HERC2: variants seen among roughly 807,000 people sequenced by gnomAD.
HERC2 encodes the protein E3 ubiquitin-protein ligase HERC2.
Under a neutral mutation model 537.7 loss-of-function variants are expected in HERC2, and 102 were observed. The observed-to-expected ratio is 0.19, with a 90% confidence interval of 0.16 to 0.22. The LOEUF (loss-of-function observed/expected upper bound fraction) is 0.22, where lower values mean the gene tolerates loss of function less well. HERC2 is among the 10% of genes least tolerant of loss of function. HERC2 has a pLI of 1.00. For missense variants in HERC2, 4,236 were observed against 6,198.2 expected (o/e 0.68, Z 10.63); for synonymous variants, 2,224 against 2,466.2 (o/e 0.90, Z 2.91).
intron 48 of HERC2, among the ~76,000 whole-genome samples, chr15:28,200,436 G>A (rs1897794863): frequency 6.6e-6 from 1 of 151,950 alleles, no homozygotes; most frequent in African/African-American, 2.4e-5. Context: ...TACAAGCCAG[G>A]AAGAGGGCCA....
At position 28,270,817 on chromosome 15, in the gene HERC2, G is replaced by T; in HGVS notation, c.1135C>A (p.Leu379Ile). The change falls in exon 10 of 93, where the codon CTT (leucine) becomes ATT (isoleucine). Residue 379 changes from leucine to isoleucine, a missense_variant. Physicochemically the swap from Leu to Ile is conservative, Grantham distance 5 (BLOSUM62 2). Transcript: ENST00000261609. ...PNESFLRYLT[L>I]PQDNELAIDL... is the part of the protein sequence containing the mutation. ...ATGGCAAGCTCGTTGTCTTGTGGAA[G>T]GGTGAGGTACCTCAGGAAACTCTCA... 6.2e-7 allele frequency: 1 copy of T among 1,613,922 alleles called. No individual in the cohort carries two copies. Among genetic ancestry groups the T allele is most frequent in the Non-Finnish European group, 8.5e-7 (1 of 1,179,836 alleles).
At chr15:28,242,402 T>C (rs1413541064) in intron 23 of HERC2, among the ~76,000 whole-genome samples, 1 of 152,214 alleles carries the variant, frequency 6.6e-6, no homozygotes, top group Non-Finnish European at 1.5e-5. Context: ...ATGTCTATTA[T>C]GTTTTCCTAC....
chr15:28,317,344 C>T (rs1343740862), intron 2 of HERC2, among the ~76,000 whole-genome samples: 7 of 152,232 alleles, frequency 4.6e-5, no homozygotes, highest in South Asian at 2.1e-4. Flanking sequence ...CCTCCTCGGC[C>T]TCCCAAAGTG....
chr15:28,220,657 A>C lies in HERC2; in HGVS notation c.5653-13T>G, dbSNP rs1900427654. ...GAGGAGGCCCATCCTGAGAAAGCCAAAGTAGAGATCAGTTAGGAGGGTGCG... is the reference window on the plus strand; with the variant it reads ...GAGGAGGCCCATCCTGAGAAAGCCACAGTAGAGATCAGTTAGGAGGGTGCG... On this transcript the variant is annotated splice_polypyrimidine_tract_variant and intron_variant, in intron 36 of 92. Coordinates refer to ENST00000261609, the MANE Select transcript of HERC2 (RefSeq NM_004667.6). 6.2e-7 allele frequency: 1 copy of C among 1,602,736 alleles called. No individual in the cohort carries two copies. The highest frequency in any genetic ancestry group is 1.7e-5 in the Admixed American group (1 of 60,022).
At chr15:28,210,306 T>G (rs1371972996) in intron 44 of HERC2, among the ~76,000 whole-genome samples, 1 of 152,140 alleles carries the variant, frequency 6.6e-6, no homozygotes, top group African/African-American at 2.4e-5. Flanking sequence ...GCTAATGTTT[T>G]GTATTTTTAG....
intron 57 of HERC2, 99 bp downstream of exon 57, chr15:28,182,302 C>T: frequency 2.9e-6 from 2 of 697,422 alleles, no homozygotes; most frequent in Non-Finnish European, 4.9e-6. Context: ...TGTAAAGAAA[C>T]AATACAACAT....
At chr15:28,198,939 G>C (rs1273727958) in intron 48 of HERC2, among the ~76,000 whole-genome samples, 170 bp from the exon 49 acceptor site, 1 of 152,114 alleles carries the variant, frequency 6.6e-6, no homozygotes, top group Non-Finnish European at 1.5e-5. Context: ...CTTGAGCTCA[G>C]GTGTTTGAGA....
chr15:28,273,924 C>T (rs2075803661), intron 7 of HERC2, among the ~76,000 whole-genome samples: 1 of 152,080 alleles, frequency 6.6e-6, no homozygotes. Flanking sequence ...TTGTTTACTC[C>T]CACATTATCT....
At chr15:28,220,111 G>A (rs116330182) in intron 37 of HERC2, among the ~76,000 whole-genome samples, 3,306 of 152,264 alleles carry the variant, frequency 0.022, 125 homozygotes, top group African/African-American at 0.075. Context: ...ACCAGGCCTC[G>A]GCTCACTCGC....
chr15:28,247,480 A>G (rs1414536455), intron 21 of HERC2, among the ~76,000 whole-genome samples: 1 of 129,102 alleles, frequency 7.7e-6, no homozygotes, highest in South Asian at 2.4e-4. Context: ...CCAGGCTGGA[A>G]TGCAATGGTC....
chr15:28,284,125 T>C (rs1025669444), intron 4 of HERC2, among the ~76,000 whole-genome samples: 2 of 152,164 alleles, frequency 1.3e-5, no homozygotes, highest in African/African-American at 2.4e-5. Context: ...TTTGGGGGCA[T>C]CATGCTGGAG....
In HERC2 at chr15:28,113,555, A is replaced by T. The variant is rs776281420; in HGVS notation, c.14019+18T>A. ...CAAAAGGCAGCTGCAGGGCAGCCCC[A>T]CCTGGGGGTCGGCATACCATCGTCT... On this transcript the variant is annotated intron_variant, in intron 91 of 92. Coordinates refer to ENST00000261609, the MANE Select transcript of HERC2 (RefSeq NM_004667.6). This position sits in a 1 kb window ranked among gnomAD's most constrained non-coding sequence, Gnocchi z 7.0. 7.5e-6 allele frequency: 12 copies of T among 1,608,296 alleles called. No homozygotes were observed.
chr15:28,254,602 G>T, intron 19 of HERC2, 84 bp from the exon 20 acceptor site: 1 of 861,722 alleles, frequency 1.2e-6, no homozygotes, highest in Non-Finnish European at 1.7e-6. Flanking sequence ...CCTAACCCCA[G>T]TGCCAAGCTA....
intron 35 of HERC2, among the ~76,000 whole-genome samples, chr15:28,227,758 A>G (rs760039855): frequency 5.9e-5 from 9 of 152,246 alleles, no homozygotes; most frequent in Non-Finnish European, 1.3e-4. Context: ...ATGTCCATCA[A>G]CAGATAAATG....
intron 78 of HERC2, among the ~76,000 whole-genome samples, chr15:28,140,238 T>C (rs1320540574): frequency 6.6e-6 from 1 of 152,080 alleles, no homozygotes; most frequent in Non-Finnish European, 1.5e-5. Flanking sequence ...GAACGCTCCA[T>C]CTGCACCCGC....
rs531616755 is a variant in HERC2, at chr15:28,252,844, T to G, written c.3050+1496A>C. On this transcript the variant is annotated intron_variant, in intron 20 of 92. Transcript: ENST00000261609. The stretch of plus-strand genomic sequence containing the variant: ...AGCTCTAAAACTTCCTGTTTCAAAA[T>G]TTCACTGTGCGTCTACTAAGTTCGT... 3.3e-5 allele frequency among the ~76,000 whole-genome samples: 5 copies of G among 152,356 alleles called. No homozygotes were observed. The South Asian group carries it at 1.0e-3, about 32-fold the overall frequency.
rs1460054965 is a variant in HERC2 at position 28,142,334 on chromosome 15, C to T, written c.11604G>A (p.Thr3868=). 9.9e-6 allele frequency: 16 copies of T among 1,614,022 alleles called. No homozygotes were observed. The highest frequency in any genetic ancestry group is 1.3e-5 in the African/African-American group (1 of 74,930). The change falls in exon 76 of 93, where the codon ACG becomes ACA. Residue 3868 remains threonine, a synonymous_variant. Coordinates refer to ENST00000261609, the MANE Select transcript of HERC2 (RefSeq NM_004667.6). ...ELDTLPCCAE[T]HKWAWFRRYC... is the part of the protein sequence containing the mutation. ...ACCTCCGGAACCAGGCCCACTTGTG[C>T]GTCTCGGCACAGCAAGGCAGAGTGT...
chr15:28,255,296 C>T (rs1259488811), intron 19 of HERC2, among the ~76,000 whole-genome samples: 1 of 152,124 alleles, frequency 6.6e-6, no homozygotes, highest in East Asian at 1.9e-4. Context: ...CATCAGGTCA[C>T]TGCATCCAGC....
intron 65 of HERC2, among the ~76,000 whole-genome samples, chr15:28,170,768 A>G (rs1053518198): frequency 6.6e-6 from 1 of 152,132 alleles, no homozygotes; most frequent in African/African-American, 2.4e-5. Flanking sequence ...AAGGACTAGA[A>G]ACATCTAGAA....
Sources: allele counts gnomAD v4.1 joint callset (sites outside exome capture counted in the v4.1 genomes callset), GRCh38; gene constraint gnomAD v4.1.1; non-coding constraint Gnocchi (gnomAD v3.1); transcripts MANE v1.5; gene names NCBI Gene and HGNC (gene_info 2026-07-23, HGNC 2026-07-21).